PRKG1: variants seen among roughly 807,000 people sequenced by gnomAD.
The protein encoded by PRKG1 is protein kinase cGMP-dependent 1.
Under a neutral mutation model 88.1 loss-of-function variants are expected in PRKG1, and 35 were observed. The ratio of observed to expected loss-of-function variants is 0.40; its 90% CI spans 0.30 to 0.53. The LOEUF (loss-of-function observed/expected upper bound fraction) is 0.53, where lower values mean the gene tolerates loss of function less well. Among genes scored for constraint, PRKG1 ranks in the 20% least tolerant of loss-of-function variants. PRKG1 has a pLI of 0.59. For missense variants in PRKG1, 540 were observed against 839.8 expected, an observed-to-expected ratio of 0.64 and a Z score of 4.41; for synonymous variants, 303 against 292.5, an observed-to-expected ratio of 1.04 and a Z score of -0.37.
chr10:51,141,556 A>C (rs1845820160), intron 1 of PRKG1, among the ~76,000 whole-genome samples: 2 of 152,298 alleles, frequency 1.3e-5, no homozygotes, highest in Non-Finnish European at 2.9e-5. Context: ...GCTGATTTTG[A>C]AGCTAGAATT....
intron 9 of PRKG1, among the ~76,000 whole-genome samples, chr10:52,197,524 C>T (rs183632993): frequency 3.7e-4 from 56 of 152,328 alleles, no homozygotes; most frequent in Admixed American, 7.2e-4. Flanking sequence ...CAATGCTGCA[C>T]ATGAAGCCAC....
chr10:51,069,068 C>G (rs1296635289), intron 1 of PRKG1, among the ~76,000 whole-genome samples: 4 of 151,696 alleles, frequency 2.6e-5, no homozygotes, highest in African/African-American at 9.7e-5. Context: ...ACTAGTTTAG[C>G]CTGAGACCCA....
chr10:52,145,087 G>A (rs1837695133), intron 8 of PRKG1, among the ~76,000 whole-genome samples: 1 of 152,164 alleles, frequency 6.6e-6, no homozygotes, highest in African/African-American at 2.4e-5. Flanking sequence ...ATGTCCATTG[G>A]CAGTTAGAAA....
intron 4 of PRKG1, among the ~76,000 whole-genome samples, chr10:51,887,482 G>T (rs1344335313): frequency 6.6e-6 from 1 of 152,066 alleles, no homozygotes; most frequent in Non-Finnish European, 1.5e-5. Flanking sequence ...ATTTTTTGAG[G>T]AAACTCAATA....
At chr10:51,402,917 A>C (rs2132671185) in intron 2 of PRKG1, among the ~76,000 whole-genome samples, 1 of 152,338 alleles carries the variant, frequency 6.6e-6, no homozygotes. Context: ...CTCGCATCTC[A>C]CAAGGTTAGC....
chr10:51,740,422 C>T (rs971033739), intron 3 of PRKG1, among the ~76,000 whole-genome samples: 2 of 152,160 alleles, frequency 1.3e-5, no homozygotes, highest in Non-Finnish European at 2.9e-5. Context: ...AATAACAAAA[C>T]TATTACATGT....
At chr10:51,347,011 T>A (rs905679276) in intron 2 of PRKG1, among the ~76,000 whole-genome samples, 5 of 152,196 alleles carry the variant, frequency 3.3e-5, no homozygotes, top group Non-Finnish European at 5.9e-5. Flanking sequence ...GGACCTGGGA[T>A]GCTTCCCTCT....
intron 4 of PRKG1, among the ~76,000 whole-genome samples, chr10:51,860,467 A>T (rs1456650198): frequency 1.3e-5 from 2 of 152,194 alleles, no homozygotes; most frequent in African/African-American, 4.8e-5. Flanking sequence ...TTTTGTCCAC[A>T]TATTCTTGGC....
chr10:51,589,369 A>G lies in PRKG1; in HGVS notation c.592+121533A>G, dbSNP rs1304708117. On this transcript the variant is annotated intron_variant, in intron 3 of 17. Transcript: ENST00000373980. ...CCAGGCACAGTGGCTCACAGCTGTA[A>G]TCCCAGCACTTTGGGAGGCTGAGGA... Among the ~76,000 whole-genome samples, 21 of 152,206 alleles carry G rather than the reference A, an allele frequency of 1.4e-4. 1 individual carries two copies. Among genetic ancestry groups the G allele is most frequent in the Admixed American group, 1.3e-3 (20 of 15,278 alleles).
At chr10:51,698,939 T>G (rs1448935697) in intron 3 of PRKG1, 1 of 1,614,086 alleles carries the variant, frequency 6.2e-7, no homozygotes, top group Non-Finnish European at 8.5e-7. Flanking sequence ...AGACTGAGAT[T>G]TGCCTGGGAT....
intron 3 of PRKG1, among the ~76,000 whole-genome samples, chr10:51,760,378 A>G (rs1194477523): frequency 1.3e-5 from 2 of 152,150 alleles, no homozygotes; most frequent in African/African-American, 2.4e-5. Flanking sequence ...ATACAAATAC[A>G]TAGCTATTTA....
At chr10:51,129,968 T>C (rs1010983739) in intron 1 of PRKG1, among the ~76,000 whole-genome samples, 9 of 152,106 alleles carry the variant, frequency 5.9e-5, no homozygotes, top group African/African-American at 9.7e-5. Flanking sequence ...CCTAGTCTCA[T>C]TGGGTGCAAA....
chr10:51,681,568 A>G (rs1485439321), intron 3 of PRKG1, among the ~76,000 whole-genome samples: 1 of 152,168 alleles, frequency 6.6e-6, no homozygotes, highest in East Asian at 1.9e-4. Flanking sequence ...TATCTCTAAC[A>G]TTGGATTTTG....
chr10:52,194,477 C>A (rs1007195207), intron 9 of PRKG1, among the ~76,000 whole-genome samples: 2 of 152,028 alleles, frequency 1.3e-5, no homozygotes, highest in Non-Finnish European at 2.9e-5. Context: ...TTAGTAAGAA[C>A]TTAAAAAGCA....
chr10:51,344,006 C>T (rs1253410906), intron 2 of PRKG1, among the ~76,000 whole-genome samples: 1 of 152,154 alleles, frequency 6.6e-6, no homozygotes, highest in Non-Finnish European at 1.5e-5. Flanking sequence ...ACTGCTTTTA[C>T]TTCTGAACAT....
intron 2 of PRKG1, among the ~76,000 whole-genome samples, chr10:51,447,135 CAA>C (rs1839296737): frequency 6.6e-6 from 1 of 151,986 alleles, no homozygotes; most frequent in Non-Finnish European, 1.5e-5. Flanking sequence ...AACCTTTCTG[CAA>C]AGTCTGTAAG....
intron 3 of PRKG1, among the ~76,000 whole-genome samples, chr10:51,498,297 T>C (rs1299611419): frequency 6.6e-6 from 1 of 152,188 alleles, no homozygotes; most frequent in Non-Finnish European, 1.5e-5. Flanking sequence ...AGTCTTGGCT[T>C]TTAGAAATAA....
At chr10:52,031,799 G>A (rs935514859) in intron 5 of PRKG1, among the ~76,000 whole-genome samples, 1 of 152,176 alleles carries the variant, frequency 6.6e-6, no homozygotes, top group African/African-American at 2.4e-5. Flanking sequence ...TGAAACCAAA[G>A]TGTGCTATGT....
At chr10:52,143,625 G>A (rs1837645446) in intron 8 of PRKG1, among the ~76,000 whole-genome samples, 1 of 152,138 alleles carries the variant, frequency 6.6e-6, no homozygotes, top group Admixed American at 6.6e-5. Flanking sequence ...CACCTGAGGG[G>A]AAGTCCGCTG....
Sources: gnomAD v4.1 joint callset for allele counts (sites outside exome capture counted in the v4.1 genomes callset) on GRCh38, gnomAD v4.1.1 for gene constraint, MANE v1.5 for transcripts, NCBI Gene and HGNC (gene_info 2026-07-23, HGNC 2026-07-21) for gene names.